Variants in BCL2 observed in about 807,000 individuals in gnomAD.
BCL2 encodes the protein BCL2 apoptosis regulator, also known as apoptosis regulator Bcl-2.
Under a neutral mutation model 14.2 loss-of-function variants are expected in BCL2, and 1 was observed. The observed-to-expected ratio is 0.07, with a 90% confidence interval of 0.02 to 0.33. The LOEUF (loss-of-function observed/expected upper bound fraction) is 0.33. Ranked by LOEUF, BCL2 falls within the 10% of genes least tolerant of loss-of-function variation. BCL2 has a pLI of 0.99. For synonymous variants in BCL2, 151 were observed against 137.2 expected (o/e 1.10, Z -0.70); for missense variants, 247 against 305.9 (o/e 0.81, Z 1.44).
chr18:63,151,489 G>A (rs941953106), intron 2 of BCL2, among the ~76,000 whole-genome samples: 2 of 141,404 alleles, frequency 1.4e-5, no homozygotes, highest in African/African-American at 2.6e-5. Flanking sequence ...ATAATAGATG[G>A]GGGGCGATAA....
rs1446745006 is a variant in BCL2 at position 63,169,262 on chromosome 18, TTCTTTC to T, written c.586-40509_586-40504del. On this transcript the variant is annotated intron_variant, in intron 2 of 2. Transcript: ENST00000333681. ...CCCCTTCGTGTTTTTCTTTCTTTCTTTCTTTCTTTCTTTCTTTCTTTCTTTCTTTCT... is the reference window on the plus strand; with the variant it reads ...CCCCTTCGTGTTTTTCTTTCTTTCTTTTTCTTTCTTTCTTTCTTTCTTTCT... Among the ~76,000 whole-genome samples the T allele has an allele frequency of 1.2e-4, 7 of 58,232 alleles. 1 individual carries two copies. Among genetic ancestry groups the T allele is most frequent in the Admixed American group, 1.9e-4 (1 of 5,352 alleles). 38.2% of individuals were successfully genotyped at this position (58,232 alleles called of 152,430 possible). A position where few individuals can be genotyped will look rare whatever the true frequency, so the allele number is the denominator to read the frequency against.
intron 2 of BCL2, among the ~76,000 whole-genome samples, chr18:63,148,743 TA>T (rs1914575207): frequency 6.6e-6 from 1 of 151,654 alleles, no homozygotes; most frequent in Admixed American, 6.6e-5. Flanking sequence ...ATTATAGAGG[TA>T]TCTATTACAA....
At chr18:63,142,217 C>T (rs574195894) in intron 2 of BCL2, among the ~76,000 whole-genome samples, 1 of 152,286 alleles carries the variant, frequency 6.6e-6, no homozygotes, top group South Asian at 2.1e-4. Flanking sequence ...TGGCCTCAGA[C>T]CTGGAGGAGG....
intron 2 of BCL2, among the ~76,000 whole-genome samples, chr18:63,159,433 A>G (rs1016245499): frequency 1.1e-4 from 16 of 152,250 alleles, no homozygotes; most frequent in African/African-American, 3.4e-4. Context: ...TTTCCCAAGT[A>G]AAAGTTCTGA....
chr18:63,284,236 G>A (rs896091683), intron 2 of BCL2, among the ~76,000 whole-genome samples: 2 of 152,182 alleles, frequency 1.3e-5, no homozygotes, highest in African/African-American at 4.8e-5. Flanking sequence ...CCTGGATGAT[G>A]TTAATGGAAG....
intron 2 of BCL2, among the ~76,000 whole-genome samples, chr18:63,134,733 C>A (rs543940411): frequency 6.6e-6 from 1 of 152,244 alleles, no homozygotes; most frequent in South Asian, 2.1e-4. Flanking sequence ...CACATTTGAA[C>A]TAAACTAAAT....
intron 2 of BCL2, among the ~76,000 whole-genome samples, chr18:63,284,722 G>C (rs1406991360): frequency 1.3e-5 from 2 of 152,220 alleles, no homozygotes; most frequent in Non-Finnish European, 2.9e-5. Flanking sequence ...AGGCTAGTAG[G>C]TGAAGCATCT....
At chr18:63,210,365 C>T (rs1251423448) in intron 2 of BCL2, among the ~76,000 whole-genome samples, 1 of 152,008 alleles carries the variant, frequency 6.6e-6, no homozygotes, top group African/African-American at 2.4e-5. Flanking sequence ...ACTTCAGGCC[C>T]AAGGAAGAAT....
At chr18:63,292,218 A>G (rs1480542134) in intron 2 of BCL2, among the ~76,000 whole-genome samples, 1 of 144,144 alleles carries the variant, frequency 6.9e-6, no homozygotes, top group Non-Finnish European at 1.5e-5. Context: ...AGCCAACCCC[A>G]GTGCAAAAAA....
intron 2 of BCL2, among the ~76,000 whole-genome samples, chr18:63,152,465 T>A (rs1183980157): frequency 1.1e-4 from 16 of 152,226 alleles, no homozygotes; most frequent in Non-Finnish European, 1.5e-5. Flanking sequence ...CGTAAATACC[T>A]TCCCCAAAGT....
chr18:63,183,356 T>C (rs1427237328), intron 2 of BCL2, among the ~76,000 whole-genome samples: 2 of 151,298 alleles, frequency 1.3e-5, no homozygotes, highest in Non-Finnish European at 2.9e-5. Context: ...CACCCAGGAG[T>C]TGGTGTTGTG....
rs1326761145 is a variant in BCL2 at position 63,125,878 on chromosome 18, G to A, written c.*2747C>T. 4 of 216,324 alleles carry A rather than the reference G, an allele frequency of 1.8e-5. No homozygotes were observed. 13.4% of individuals were successfully genotyped at this position (216,324 alleles called of 1,614,324 possible). On this transcript the variant is annotated 3_prime_UTR_variant, in exon 3 of 3. Coordinates refer to ENST00000333681, the MANE Select transcript of BCL2 (RefSeq NM_000633.3). ...CAGGTAACAAAACCCCACAGCAAAA[G>A]GCAGCCAGCCAGCAATTAGCCCCCG...
intron 2 of BCL2, among the ~76,000 whole-genome samples, chr18:63,166,731 G>A (rs1024481217): frequency 2.0e-5 from 3 of 152,150 alleles, no homozygotes; most frequent in African/African-American, 7.2e-5. Flanking sequence ...CGGGATATGA[G>A]GTATCACATA....
intron 2 of BCL2, among the ~76,000 whole-genome samples, chr18:63,154,871 T>C (rs1914733365): frequency 6.6e-6 from 1 of 152,186 alleles, no homozygotes; most frequent in African/African-American, 2.4e-5. Flanking sequence ...AGTAAACACA[T>C]GGAAATTAAA....
In BCL2 at chr18:63,126,789, C is replaced by T. The variant is rs1453612305; in HGVS notation, c.*1836G>A. On this transcript the variant is annotated 3_prime_UTR_variant, in exon 3 of 3. Coordinates refer to ENST00000333681, the MANE Select transcript of BCL2 (RefSeq NM_000633.3). ...GGCCATAACTAAATACAATTAAAAA[C>T]AAAAAAACGCTGAGATGCATGTATT... 4.4e-5 allele frequency: 10 copies of T among 226,168 alleles called. No individual in the cohort carries two copies. The South Asian group carries it at 9.2e-4, about 21-fold the overall frequency. 14.0% of individuals were successfully genotyped at this position (226,168 alleles called of 1,614,324 possible). A position where few individuals can be genotyped will look rare whatever the true frequency, so the allele number is the denominator to read the frequency against.
chr18:63,138,343 T>C (rs1468072690), intron 2 of BCL2, among the ~76,000 whole-genome samples: 1 of 152,252 alleles, frequency 6.6e-6, no homozygotes, highest in Non-Finnish European at 1.5e-5. Context: ...ACAGCCACAT[T>C]GTGCTGAATG....
intron 2 of BCL2, among the ~76,000 whole-genome samples, chr18:63,153,022 A>G (rs1314844601): frequency 1.3e-5 from 2 of 151,856 alleles, no homozygotes; most frequent in Non-Finnish European, 2.9e-5. Context: ...CCCACTTTTC[A>G]CCCTCTCCAG....
chr18:63,183,384 C>T (rs904367285), intron 2 of BCL2, among the ~76,000 whole-genome samples: 16 of 152,180 alleles, frequency 1.1e-4, no homozygotes, highest in African/African-American at 3.9e-4. Flanking sequence ...TCACAGCAGG[C>T]TTCATGGAAG....
chr18:63,241,848 T>C (rs974951960), intron 2 of BCL2, among the ~76,000 whole-genome samples: 2 of 152,230 alleles, frequency 1.3e-5, no homozygotes, highest in African/African-American at 4.8e-5. Context: ...CGCTATCAGG[T>C]CACCTTTCGT....
Sources: gnomAD v4.1 joint callset for allele counts (sites outside exome capture counted in the v4.1 genomes callset) on GRCh38, gnomAD v4.1.1 for gene constraint, MANE v1.5 for transcripts, NCBI Gene and HGNC (gene_info 2026-07-23, HGNC 2026-07-21) for gene names.